GPAT4: variants seen among roughly 807,000 people sequenced by gnomAD.
GPAT4 encodes 1-AGP acyltransferase 6.
In GPAT4, 17 loss-of-function variants were observed where a neutral mutation model predicts 58.0. The ratio of observed to expected loss-of-function variants is 0.29; its 90% CI spans 0.20 to 0.44. The LOEUF is 0.44. Among genes scored for constraint, GPAT4 ranks in the 20% least tolerant of loss-of-function variants. The pLI, the probability that GPAT4 is intolerant of heterozygous loss-of-function variation, is 1.00. For synonymous variants in GPAT4, 204 were observed against 210.1 expected (o/e 0.97, Z 0.25); for missense variants, 377 against 574.5 (o/e 0.66, Z 3.51).
At chr8:41,604,823 G>A (rs1187972148) in intron 2 of GPAT4, among the ~76,000 whole-genome samples, 1 of 152,148 alleles carries the variant, frequency 6.6e-6, no homozygotes, top group African/African-American at 2.4e-5. Context: ...ATTTGTGTTG[G>A]GTCAGGCAGC....
chr8:41,597,758 A>T (rs1366214590), intron 1 of GPAT4, among the ~76,000 whole-genome samples: 2 of 152,252 alleles, frequency 1.3e-5, no homozygotes, highest in East Asian at 3.8e-4. Flanking sequence ...ATGTGTATTG[A>T]TGGGACATTC....
At chr8:41,579,683 C>G (rs1347836617) in intron 1 of GPAT4, among the ~76,000 whole-genome samples, 1 of 152,016 alleles carries the variant, frequency 6.6e-6, no homozygotes, top group Non-Finnish European at 1.5e-5. Flanking sequence ...ACTAAAAATA[C>G]AAAAATTAGC....
chr8:41,609,308 G>A, intron 2 of GPAT4, 108 bp from the exon 3 acceptor site: 1 of 1,171,324 alleles, frequency 8.5e-7, no homozygotes, highest in South Asian at 1.3e-5. Context: ...CTTGGCTACG[G>A]TCTTAGGTGA....
At chr8:41,602,567 C>G (rs1356654706) in intron 2 of GPAT4, among the ~76,000 whole-genome samples, 1 of 152,138 alleles carries the variant, frequency 6.6e-6, no homozygotes, top group Non-Finnish European at 1.5e-5. Context: ...AAGGTAGGAA[C>G]TGAATGCTGC....
At chr8:41,590,577 A>G (rs1425621182) in intron 1 of GPAT4, among the ~76,000 whole-genome samples, 3 of 152,212 alleles carry the variant, frequency 2.0e-5, no homozygotes, top group Non-Finnish European at 2.9e-5. Flanking sequence ...CCGTACAGCC[A>G]TCGTGAGGAT....
chr8:41,588,673 T>G (rs1409898262), intron 1 of GPAT4, among the ~76,000 whole-genome samples: 3 of 152,238 alleles, frequency 2.0e-5, no homozygotes, highest in African/African-American at 7.2e-5. Flanking sequence ...TAACACCTGA[T>G]GTACTGTCTG....
chr8:41,610,229 T>TCTG, intron 4 of GPAT4: 1 of 1,318,586 alleles, frequency 7.6e-7, no homozygotes. Context: ...TTGTGTGCTT[T>TCTG]CTGCCACTCC....
Position 41,616,436 on chromosome 8 carries a change from C to T in GPAT4, c.1053+1388C>T, listed in dbSNP as rs1472641956. Among the ~76,000 whole-genome samples the T allele has an allele frequency of 3.9e-5, 6 of 152,306 alleles. No individual in the cohort carries two copies. In the East Asian group the frequency reaches 1.2e-3, roughly 29 times the overall value. ...TCAGCCTCCCAAGTAGCTGGGATTA[C>T]AGGTGCACACCACCACACCTGGCTA... On this transcript the variant is annotated intron_variant, in intron 10 of 12. Transcript: ENST00000396987.
chr8:41,618,392 A>T, intron 10 of GPAT4: 1 of 433,922 alleles, frequency 2.3e-6, no homozygotes, highest in South Asian at 2.6e-5. Flanking sequence ...TTATATACCT[A>T]TGAGTAAGAC....
chr8:41,607,342 A>G (rs1028284490), intron 2 of GPAT4, among the ~76,000 whole-genome samples: 7 of 152,204 alleles, frequency 4.6e-5, no homozygotes, highest in African/African-American at 1.4e-4. Context: ...CTGAACTGCC[A>G]CAGAACTAGG....
In GPAT4 at chr8:41,599,002, G is replaced by T; in HGVS notation, c.-138G>T. The stretch of plus-strand genomic sequence containing the variant: ...GGCCTTCTATTCAGGCGGTTGAAGG[G>T]TGTGGACTTTGGAATGGGGTTTGCT... On this transcript the variant is annotated 5_prime_UTR_variant, in exon 2 of 13. Transcript: ENST00000396987. 8.6e-7 allele frequency: 1 copy of T among 1,165,720 alleles called. No individual in the cohort carries two copies. The highest frequency in any genetic ancestry group is 1.5e-5 in the South Asian group (1 of 64,530). The allele number at this position is 1,165,720 out of a possible 1,614,324, so 72.2% of individuals were successfully genotyped here.
intron 1 of GPAT4, 164 bp downstream of exon 1, chr8:41,578,442 A>T (rs936856240): frequency 3.3e-5 from 5 of 151,496 alleles, no homozygotes; most frequent in Non-Finnish European, 7.4e-5. Flanking sequence ...CGCCCCGGGG[A>T]TCCCCGGCGG....
intron 7 of GPAT4, among the ~76,000 whole-genome samples, chr8:41,612,527 G>A (rs1803475005): frequency 6.6e-6 from 1 of 152,070 alleles, no homozygotes. Context: ...GGCAAGGACT[G>A]TGTCCAGGGC....
intron 12 of GPAT4, 101 bp downstream of exon 12, chr8:41,619,078 T>C: frequency 7.1e-7 from 1 of 1,411,904 alleles, no homozygotes; most frequent in Non-Finnish European, 9.8e-7. Flanking sequence ...GAATTAAACT[T>C]GTCAGCTCTA....
chr8:41,606,942 G>T (rs1033085770), intron 2 of GPAT4, among the ~76,000 whole-genome samples: 1 of 152,180 alleles, frequency 6.6e-6, no homozygotes, highest in African/African-American at 2.4e-5. Flanking sequence ...ACTTCACGTT[G>T]TCTCCTCTAC....
intron 5 of GPAT4, 78 bp downstream of exon 5, chr8:41,610,888 C>T (rs1459466653): frequency 1.4e-6 from 2 of 1,405,754 alleles, no homozygotes; most frequent in African/African-American, 2.9e-5. Flanking sequence ...GGCAAGGACA[C>T]TTCTTTGGAC....
intron 10 of GPAT4, among the ~76,000 whole-genome samples, chr8:41,617,904 C>T (rs1205916004): frequency 6.6e-6 from 1 of 152,244 alleles, no homozygotes; most frequent in African/African-American, 2.4e-5. Flanking sequence ...CCTCCTGTTG[C>T]TCCTTGCGCA....
intron 5 of GPAT4, among the ~76,000 whole-genome samples, chr8:41,611,367 C>A (rs966937605): frequency 6.6e-6 from 1 of 152,222 alleles, no homozygotes; most frequent in African/African-American, 2.4e-5. Flanking sequence ...GAGCCACAGA[C>A]ATGTAGAGTC....
chr8:41,611,778 G>T (rs1803452063), intron 5 of GPAT4, 125 bp from the exon 6 acceptor site: 1 of 768,098 alleles, frequency 1.3e-6, no homozygotes, highest in East Asian at 2.6e-5. Context: ...GGACTTTCCT[G>T]TAGGTGCTGA....
Sources: allele counts gnomAD v4.1 joint callset (sites outside exome capture counted in the v4.1 genomes callset), GRCh38; gene constraint gnomAD v4.1.1; transcripts MANE v1.5; gene names NCBI Gene and HGNC (gene_info 2026-07-23, HGNC 2026-07-21).